MCTP1: variants seen among roughly 807,000 people sequenced by gnomAD.
The protein encoded by MCTP1 is multiple C2 and transmembrane domain-containing protein 1.
Under a neutral mutation model 120.6 loss-of-function variants are expected in MCTP1, and 69 were observed. That is an observed-to-expected ratio of 0.57 (90% confidence interval 0.47 to 0.70). The LOEUF (loss-of-function observed/expected upper bound fraction) is 0.70. Ranked by LOEUF, MCTP1 falls within the 30% of genes least tolerant of loss-of-function variation. The pLI is 0.00. For missense variants in MCTP1, 1,203 were observed against 1,248.8 expected (o/e 0.96, Z 0.55); for synonymous variants, 529 against 493.1 (o/e 1.07, Z -0.96).
chr5:94,993,719 G>A (rs1832059864), intron 2 of MCTP1, among the ~76,000 whole-genome samples: 1 of 152,102 alleles, frequency 6.6e-6, no homozygotes, highest in African/African-American at 2.4e-5. Flanking sequence ...TACAGATGGG[G>A]AACTGAACCG....
chr5:95,276,362 G>C (rs996435070), intron 1 of MCTP1, among the ~76,000 whole-genome samples: 5 of 146,732 alleles, frequency 3.4e-5, no homozygotes, highest in South Asian at 2.2e-4. Flanking sequence ...GGGTTCAAGC[G>C]ATTCTCCTGT....
chr5:94,947,555 A>AATATATATATATATATATATATAT lies in MCTP1; in HGVS notation c.982-5129_982-5128insATATATATATATATATATATATAT, dbSNP rs377155852. 3.5e-3 allele frequency among the ~76,000 whole-genome samples: 137 copies of AATATATATATATATATATATATAT among 39,362 alleles called. 14 individuals are homozygous for AATATATATATATATATATATATAT. The highest frequency in any genetic ancestry group is 6.6e-3 in the South Asian group (8 of 1,216). The allele number at this position is 39,362 out of a possible 152,430, so 25.8% of individuals were successfully genotyped here. On this transcript the variant is annotated intron_variant, in intron 3 of 22. Coordinates refer to ENST00000515393, the MANE Select transcript of MCTP1 (RefSeq NM_024717.7). ...AAAATATTTTAGTGTTAGTTTACTAAATATATATATATATATATATATAGA... is the reference window on the plus strand; with the variant it reads ...AAAATATTTTAGTGTTAGTTTACTAAATATATATATATATATATATATATATATATATATATATATATATATAGA...
At chr5:95,278,392 GC>G (rs1258507617) in intron 1 of MCTP1, among the ~76,000 whole-genome samples, 4 of 152,098 alleles carry the variant, frequency 2.6e-5, no homozygotes, top group African/African-American at 9.7e-5. Flanking sequence ...TCAATAATTA[GC>G]TTTACAGAAA....
At chr5:94,871,097 C>T in intron 14 of MCTP1, 124 bp from the exon 15 acceptor site, 1 of 794,890 alleles carries the variant, frequency 1.3e-6, no homozygotes, top group Non-Finnish European at 2.1e-6. Flanking sequence ...GCAATTCTGA[C>T]AAGTACCTGT....
chr5:95,162,958 A>G (rs138144460), intron 1 of MCTP1, among the ~76,000 whole-genome samples: 165 of 152,286 alleles, frequency 1.1e-3, no homozygotes, highest in African/African-American at 3.7e-3. Flanking sequence ...CAATATTAGA[A>G]ATATCAGTAT....
intron 1 of MCTP1, among the ~76,000 whole-genome samples, chr5:95,259,321 G>A (rs888955752): frequency 4.6e-5 from 7 of 152,142 alleles, no homozygotes; most frequent in African/African-American, 1.4e-4. Context: ...CATGTCAGAC[G>A]AAAGGTGAAC....
chr5:94,703,971 G>A lies in MCTP1; in HGVS notation c.*3525C>T, dbSNP rs183800457. ...ATATAAAAGAAACTGAGGTACCAGAGGGTAACATTTTCACCAAAAAAAAAA... is the reference window on the plus strand; with the variant it reads ...ATATAAAAGAAACTGAGGTACCAGAAGGTAACATTTTCACCAAAAAAAAAA... On this transcript the variant is annotated 3_prime_UTR_variant, in exon 23 of 23. Coordinates refer to ENST00000515393, the MANE Select transcript of MCTP1 (RefSeq NM_024717.7). 8 of 148,268 alleles carry A rather than the reference G, an allele frequency of 5.4e-5. No individual in the cohort carries two copies. The highest frequency in any genetic ancestry group is 4.8e-4 in the Admixed American group (7 of 14,700). 9.2% of individuals were successfully genotyped at this position (148,268 alleles called of 1,614,324 possible).
rs946813867 is a variant in MCTP1 at position 94,758,055 on chromosome 5, A to G, written c.2610+21055T>C. Among the ~76,000 whole-genome samples, 5 of 152,306 alleles carry G rather than the reference A, an allele frequency of 3.3e-5. No homozygotes were observed. In the South Asian group the frequency reaches 8.3e-4, roughly 25 times the overall value. On this transcript the variant is annotated intron_variant, in intron 19 of 22. Transcript: ENST00000515393. ...CAAAAGAAAAAAATGAGATCCAACA[A>G]AAGTGGGGAGTAAATGGAGGCAACA...
chr5:94,731,290 A>G (rs934493067), intron 19 of MCTP1, among the ~76,000 whole-genome samples: 2 of 152,192 alleles, frequency 1.3e-5, no homozygotes, highest in African/African-American at 4.8e-5. Context: ...GGCCCAGGGA[A>G]GTCAAAAGAT....
intron 2 of MCTP1, among the ~76,000 whole-genome samples, chr5:94,953,885 ATATATACAAATATATATATG>A (rs1821420994): frequency 9.6e-6 from 1 of 103,638 alleles, no homozygotes; most frequent in Non-Finnish European, 1.9e-5. Flanking sequence ...ATATATGCAT[ATATATACAAATATATATATG>A]CATATATATA....
intron 18 of MCTP1, among the ~76,000 whole-genome samples, chr5:94,798,797 A>G (rs926698865): frequency 6.6e-6 from 1 of 152,124 alleles, no homozygotes. Flanking sequence ...TCCCTGTTTT[A>G]GTTTCTACCA....
intron 12 of MCTP1, among the ~76,000 whole-genome samples, chr5:94,888,378 C>T (rs1308619146): frequency 1.3e-5 from 2 of 152,068 alleles, no homozygotes; most frequent in Non-Finnish European, 2.9e-5. Flanking sequence ...AGTTTAGATC[C>T]AAAATTATCT....
intron 1 of MCTP1, chr5:95,024,139 C>T (rs906376941): frequency 9.3e-6 from 4 of 430,888 alleles, no homozygotes; most frequent in South Asian, 1.7e-5. Flanking sequence ...TTTGTTGCCT[C>T]TGCTTTTGGG....
intron 1 of MCTP1, among the ~76,000 whole-genome samples, chr5:95,095,248 C>T (rs1416079528): frequency 6.6e-6 from 1 of 151,778 alleles, no homozygotes; most frequent in Non-Finnish European, 1.5e-5. Flanking sequence ...TGGTCTCGAT[C>T]TCCTGACCTC....
At chr5:95,119,051 G>C (rs1052165698) in intron 1 of MCTP1, among the ~76,000 whole-genome samples, 1 of 152,178 alleles carries the variant, frequency 6.6e-6, no homozygotes, top group African/African-American at 2.4e-5. Flanking sequence ...CAGATATTTA[G>C]AGTACATTTT....
At chr5:94,812,100 C>T (rs567620379) in intron 17 of MCTP1, among the ~76,000 whole-genome samples, 3 of 152,190 alleles carry the variant, frequency 2.0e-5, no homozygotes, top group African/African-American at 7.2e-5. Flanking sequence ...TTTTTAAAAT[C>T]AATGATTTAC....
rs578242458 is a variant in MCTP1, at chr5:94,751,443, A to T, written c.2610+27667T>A. 1.1e-3 allele frequency among the ~76,000 whole-genome samples: 161 copies of T among 151,668 alleles called. 3 individuals are homozygous for T. The highest frequency in any genetic ancestry group is 3.8e-3 in the African/African-American group (155 of 41,224). ...GTGAGGATGAGCATGAAGAAAAAAA[A>T]TTCTAAGACTTCTCAAAGGCAGGTG... On this transcript the variant is annotated intron_variant, in intron 19 of 22. Coordinates refer to ENST00000515393, the MANE Select transcript of MCTP1 (RefSeq NM_024717.7).
chr5:94,936,767 ATG>A (rs1816300850), intron 5 of MCTP1, among the ~76,000 whole-genome samples: 2 of 152,058 alleles, frequency 1.3e-5, no homozygotes, highest in Admixed American at 1.3e-4. Flanking sequence ...GCCAATTTAT[ATG>A]TGTTTTTGGG....
At chr5:95,117,154 G>A (rs1757878540) in intron 1 of MCTP1, among the ~76,000 whole-genome samples, 1 of 152,066 alleles carries the variant, frequency 6.6e-6, no homozygotes, top group African/African-American at 2.4e-5. Context: ...TCTTTGGGAG[G>A]CCAAGGCGGG....
Sources: allele counts gnomAD v4.1 joint callset (sites outside exome capture counted in the v4.1 genomes callset), GRCh38; gene constraint gnomAD v4.1.1; transcripts MANE v1.5; gene names NCBI Gene and HGNC (gene_info 2026-07-23, HGNC 2026-07-21).